The following AFG1L variants were observed in gnomAD, a reference collection of about 807,000 sequenced individuals.
AFG1L encodes AFG1 like ATPase, also known as AFG1-like ATPase.
In AFG1L, 53 loss-of-function variants were observed where a neutral mutation model predicts 62.2. The ratio of observed to expected loss-of-function variants is 0.85; its 90% CI spans 0.68 to 1.07. AFG1L has a LOEUF of 1.07. AFG1L is among the 50% of genes least tolerant of loss of function. The pLI, the probability that AFG1L is intolerant of heterozygous loss-of-function variation, is 0.00. For missense variants in AFG1L, 555 were observed against 590.5 expected (o/e 0.94, Z 0.62); for synonymous variants, 228 against 210.3 (o/e 1.08, Z -0.73).
At chr6:108,372,388 G>GGT (rs1780049517) in intron 6 of AFG1L, among the ~76,000 whole-genome samples, 1 of 149,628 alleles carries the variant, frequency 6.7e-6, no homozygotes, top group South Asian at 2.1e-4. Flanking sequence ...GGAGTGCAGT[G>GGT]GTGTAGTCTT....
intron 2 of AFG1L, among the ~76,000 whole-genome samples, chr6:108,333,779 C>T (rs1392340351): frequency 6.6e-6 from 1 of 152,012 alleles, no homozygotes; most frequent in Non-Finnish European, 1.5e-5. Flanking sequence ...ACTATACATT[C>T]AGGTGGCTAA....
intron 3 of AFG1L, among the ~76,000 whole-genome samples, chr6:108,347,996 G>A (rs1778929994): frequency 6.6e-6 from 1 of 152,048 alleles, no homozygotes; most frequent in East Asian, 1.9e-4. Context: ...AGGGAGTGAT[G>A]GCAGGGGATA....
intron 1 of AFG1L, among the ~76,000 whole-genome samples, chr6:108,308,274 C>T (rs781308902): frequency 1.6e-4 from 24 of 151,960 alleles, no homozygotes; most frequent in Admixed American, 3.9e-4. Context: ...CTCAGTCTCC[C>T]GAGTAGCTGG....
At chr6:108,319,807 T>G (rs1279600961) in intron 1 of AFG1L, 2 of 434,632 alleles carry the variant, frequency 4.6e-6, no homozygotes, top group Non-Finnish European at 9.3e-6. Flanking sequence ...ATTTATTTAT[T>G]TATTTATTTT....
rs192607359 is a variant in AFG1L at position 108,447,322 on chromosome 6, T to G, written c.890+26T>G. The stretch of plus-strand genomic sequence containing the variant: ...GTAAGTGTTTCTAATTTTTAAAGTT[T>G]AATGTCTAATCGTTAATCAGAAAAA... On this transcript the variant is annotated intron_variant, in intron 8 of 12. Coordinates refer to ENST00000368977, the MANE Select transcript of AFG1L (RefSeq NM_145315.5). 3.4e-3 allele frequency: 4,315 copies of G among 1,268,140 alleles called. 15 individuals are homozygous for G. Among genetic ancestry groups the G allele is most frequent in the Non-Finnish European group, 4.1e-3 (3,565 of 871,264 alleles). 78.6% of individuals were successfully genotyped at this position (1,268,140 alleles called of 1,614,324 possible).
intron 7 of AFG1L, among the ~76,000 whole-genome samples, chr6:108,440,264 G>T (rs992047925): frequency 1.3e-5 from 2 of 151,946 alleles, no homozygotes; most frequent in Non-Finnish European, 2.9e-5. Context: ...CACCTCCCAG[G>T]TTCAAGCAAT....
rs55979082 is a variant in AFG1L at position 108,433,271 on chromosome 6, G to GTTATTATTA, written c.808-13931_808-13923dup. 4.0e-4 allele frequency among the ~76,000 whole-genome samples: 61 copies of GTTATTATTA among 150,938 alleles called. No homozygotes were observed. In the East Asian group the frequency reaches 0.011, roughly 26 times the overall value. On this transcript the variant is annotated intron_variant, in intron 7 of 12. Transcript: ENST00000368977. ...AACCACAAACATTAACTTTATTATT[G>GTTATTATTA]TTATTATTATTATTATTATTTTTTG...
chr6:108,500,175 T>C (rs11757770), intron 10 of AFG1L, among the ~76,000 whole-genome samples: 140 of 133,376 alleles, frequency 1.0e-3, no homozygotes, highest in East Asian at 1.0e-2. Flanking sequence ...TGCGTGCGTG[T>C]GTGTGTGTGT....
rs568366001 is a variant in AFG1L at position 108,429,683 on chromosome 6, CAGTATAATTTGA to C, written c.808-17529_808-17518del. ...TGCTGTTTTGGTTACTATAGCCTTG[CAGTATAATTTGA>C]ATCTGAGTAATGTGATACCCCCAGA... is the stretch of plus-strand genomic sequence containing the variant. On this transcript the variant is annotated intron_variant, in intron 7 of 12. Transcript: ENST00000368977. Among the ~76,000 whole-genome samples, 302 of 152,188 alleles carry C rather than the reference CAGTATAATTTGA, an allele frequency of 2.0e-3. 2 individuals carry two copies. Among genetic ancestry groups the C allele is most frequent in the African/African-American group, 6.5e-3 (272 of 41,536 alleles).
Position 108,522,372 on chromosome 6 carries a change from AC to A in AFG1L, c.1394del (p.Thr465ArgfsTer61), listed in dbSNP as rs761887667. The stretch of plus-strand genomic sequence containing the variant: ...ATTTCAGCGCACAATTTCCCGACTC[AC>A]GGAAATGCAGACTGAACAGTACTGG... The part of the protein sequence containing the change: ...FAFQRTISRL[T>X]EMQTEQYWNE... On this transcript the variant is annotated frameshift_variant, in exon 13 of 13. Transcript: ENST00000368977. LOFTEE classifies it high-confidence loss of function. The A allele has an allele frequency of 4.3e-6, 7 of 1,614,094 alleles. No homozygotes were observed. The Admixed American group carries it at 6.7e-5, about 15-fold the overall frequency.
At chr6:108,417,888 C>T (rs778104861) in intron 7 of AFG1L, among the ~76,000 whole-genome samples, 1 of 152,070 alleles carries the variant, frequency 6.6e-6, no homozygotes, top group Admixed American at 6.5e-5. Context: ...GGCTGGAGTG[C>T]AGTGGTGCAA....
At chr6:108,350,774 C>G (rs1779049469) in intron 3 of AFG1L, among the ~76,000 whole-genome samples, 1 of 152,054 alleles carries the variant, frequency 6.6e-6, no homozygotes, top group Admixed American at 6.5e-5. Flanking sequence ...GCTTATCAGC[C>G]CCTTTCCTGC....
At chr6:108,311,526 TTTTG>T (rs1777410958) in intron 1 of AFG1L, among the ~76,000 whole-genome samples, 2 of 152,142 alleles carry the variant, frequency 1.3e-5, no homozygotes, top group Non-Finnish European at 2.9e-5. Context: ...TTTGTTTTGT[TTTTG>T]TTTTTCTTTT....
chr6:108,414,762 G>C (rs1782282397), intron 7 of AFG1L, among the ~76,000 whole-genome samples: 1 of 152,080 alleles, frequency 6.6e-6, no homozygotes, highest in African/African-American at 2.4e-5. Context: ...GGTATTGATG[G>C]GATGTATCTC....
chr6:108,314,830 C>T (rs1582574155), intron 1 of AFG1L, among the ~76,000 whole-genome samples: 1 of 151,980 alleles, frequency 6.6e-6, no homozygotes, highest in African/African-American at 2.4e-5. Flanking sequence ...TAAGGCCCTA[C>T]GTCATTTAGT....
chr6:108,500,338 C>T (rs1384349169), intron 10 of AFG1L, among the ~76,000 whole-genome samples: 3 of 152,024 alleles, frequency 2.0e-5, no homozygotes, highest in Non-Finnish European at 2.9e-5. Context: ...TATTTTTCTT[C>T]TCATGATTAT....
intron 6 of AFG1L, among the ~76,000 whole-genome samples, chr6:108,396,268 C>T (rs1192691982): frequency 6.6e-6 from 1 of 151,862 alleles, no homozygotes; most frequent in African/African-American, 2.4e-5. Context: ...TAAAACTTGT[C>T]CCTTTTCATT....
rs186931380 is a variant in AFG1L at position 108,411,035 on chromosome 6, G to A, written c.807+8981G>A. Among the ~76,000 whole-genome samples the A allele has an allele frequency of 9.3e-4, 141 of 152,226 alleles. 1 individual carries two copies. Among genetic ancestry groups the A allele is most frequent in the African/African-American group, 3.2e-3 (131 of 41,526 alleles). The stretch of plus-strand genomic sequence containing the variant: ...CTAGCAAAGGGAAGCCATGACAGGC[G>A]GTACCTGGAAAATCGGGACACTCCC... On this transcript the variant is annotated intron_variant, in intron 7 of 12. Coordinates refer to ENST00000368977, the MANE Select transcript of AFG1L (RefSeq NM_145315.5).
At chr6:108,403,216 A>G (rs1488038626) in intron 7 of AFG1L, among the ~76,000 whole-genome samples, 2 of 152,298 alleles carry the variant, frequency 1.3e-5, no homozygotes, top group East Asian at 3.9e-4. Context: ...TATAATTCCC[A>G]TAATTTTAGA....
Sources: gnomAD v4.1 joint callset for allele counts (sites outside exome capture counted in the v4.1 genomes callset) on GRCh38, gnomAD v4.1.1 for gene constraint, MANE v1.5 for transcripts, NCBI Gene and HGNC (gene_info 2026-07-23, HGNC 2026-07-21) for gene names.